Variants in EPHB3 observed in about 807,000 individuals in gnomAD.
EPHB3 encodes the protein ephrin type-B receptor 3.
A neutral mutation model predicts 100.2 loss-of-function variants in EPHB3; 33 were observed. The ratio of observed to expected loss-of-function variants is 0.33; its 90% confidence interval spans 0.25 to 0.44. EPHB3 has a LOEUF of 0.44. Ranked by LOEUF, EPHB3 falls within the 20% of genes least tolerant of loss-of-function variation. EPHB3 has a pLI of 1.00. For missense variants in EPHB3, 1,045 were observed against 1,378.3 expected (o/e 0.76, Z 3.83); for synonymous variants, 526 against 554.7 (o/e 0.95, Z 0.73).
In EPHB3 at chr3:184,562,086, G is replaced by C. The variant is rs1714264830; in HGVS notation, c.-150G>C. 1 of 169,724 alleles carries C rather than the reference G, an allele frequency of 5.9e-6. No homozygotes were observed. The allele number at this position is 169,724 out of a possible 1,614,324, so 10.5% of individuals were successfully genotyped here. A position where few individuals can be genotyped will look rare whatever the true frequency, so the allele number is the denominator to read the frequency against. ...CCTCGGTCCCGGAGCCGCCCGCCTG[G>C]ATTGCATTCCCTCCTCTCCTGGATC... On this transcript the variant is annotated 5_prime_UTR_variant, in exon 1 of 16. Transcript: ENST00000330394. This position sits in a 1 kb window ranked among gnomAD's most constrained non-coding sequence, Gnocchi z 4.8.
chr3:184,577,540 G>C lies in EPHB3; in HGVS notation c.1479+73G>C. ...AGAAAATTACCCCCGGATCATGATG[G>C]GGCCCTTGGGAGCAAGGCCTTGGGT... On this transcript the variant is annotated intron_variant, in intron 6 of 15. Transcript: ENST00000330394. This position sits in a 1 kb window ranked among gnomAD's most constrained non-coding sequence, Gnocchi z 4.9. 1.3e-6 allele frequency: 2 copies of C among 1,598,222 alleles called. No homozygotes were observed.
intron 1 of EPHB3, among the ~76,000 whole-genome samples, chr3:184,564,128 G>A (rs1412575091): frequency 6.6e-6 from 1 of 152,214 alleles, no homozygotes; most frequent in African/African-American, 2.4e-5. Flanking sequence ...AGAAGGCCGA[G>A]TCCTGATGTG....
rs113050033 is a variant in EPHB3 at position 184,579,243 on chromosome 3, A to G, written c.1802-234A>G. Reference sequence around the variant, plus strand: ...CGGGGCAGTGGGAACCAGGGGAGGCATGAATCTGAGAGAGGTCTGGATGTG... The same window carrying G: ...CGGGGCAGTGGGAACCAGGGGAGGCGTGAATCTGAGAGAGGTCTGGATGTG... On this transcript the variant is annotated intron_variant, in intron 9 of 15. Transcript: ENST00000330394. This position sits in a 1 kb window ranked among gnomAD's most constrained non-coding sequence, Gnocchi z 5.2. 1.3e-3 allele frequency among the ~76,000 whole-genome samples: 200 copies of G among 152,274 alleles called. 2 individuals are homozygous for G. The highest frequency in any genetic ancestry group is 4.6e-3 in the African/African-American group (192 of 41,554).
At position 184,582,271 on chromosome 3, in the gene EPHB3, TGTGTGTGCGC is replaced by T. The variant is rs1553781591; in HGVS notation, c.*651_*660del. 5,339 of 82,866 alleles carry T rather than the reference TGTGTGTGCGC, an allele frequency of 0.064. 334 individuals are homozygous for T. The highest frequency in any genetic ancestry group is 0.25 in the African/African-American group (4,987 of 19,970). The allele number at this position is 82,866 out of a possible 1,614,324, so 5.1% of individuals were successfully genotyped here. On this transcript the variant is annotated 3_prime_UTR_variant, in exon 16 of 16. Coordinates refer to ENST00000330394, the MANE Select transcript of EPHB3 (RefSeq NM_004443.4). Reference sequence around the variant, plus strand: ...ATGTGTGAGTGTGTGTGTGTGTGTGTGTGTGTGCGCGCGCGCGCGCGTGTGTGTGTGCACG... The same window carrying T: ...ATGTGTGAGTGTGTGTGTGTGTGTGTGCGCGCGCGCGTGTGTGTGTGCACG...
chr3:184,572,725 C>CAGGCT lies in EPHB3; in HGVS notation c.405_406insAGGCT (p.Glu136ArgfsTer22). On this transcript the variant is annotated frameshift_variant, in exon 3 of 16. Transcript: ENST00000330394. LOFTEE classifies it high-confidence loss of function. This position sits in a 1 kb window ranked among gnomAD's most constrained non-coding sequence, Gnocchi z 6.6. ...AGGAGACCTTCAACCTCTTCTACTA[C>CAGGCT]GAGGCTGACAGCGATGTGGCCTCAG... 6.2e-7 allele frequency: 1 copy of CAGGCT among 1,613,016 alleles called. No homozygotes were observed. Among genetic ancestry groups the CAGGCT allele is most frequent in the Non-Finnish European group, 8.5e-7 (1 of 1,179,742 alleles).
chr3:184,573,094 C>T lies in EPHB3; in HGVS notation c.774C>T (p.Gly258=), dbSNP rs140338323. 1.4e-4 allele frequency: 232 copies of T among 1,613,094 alleles called. 3 individuals carry two copies. The highest frequency in any genetic ancestry group is 7.5e-4 in the South Asian group (68 of 91,084). Residue 258 remains glycine (G), a synonymous_variant, in exon 3 of 16, where the codon GGC becomes GGT. Coordinates refer to ENST00000330394, the MANE Select transcript of EPHB3 (RefSeq NM_004443.4). The surrounding 1 kb of genome is among the most constrained non-coding windows in gnomAD (Gnocchi z 4.5). ...VSVPLKLYCN[G]DGEWMVPVGA... ...TGCCACTCAAGCTCTACTGCAACGG[C>T]GATGGGGAGTGGATGGTGCCTGTGG...
intron 3 of EPHB3, among the ~76,000 whole-genome samples, chr3:184,575,374 C>T (rs1241182724): frequency 2.6e-5 from 4 of 152,206 alleles, no homozygotes; most frequent in Non-Finnish European, 5.9e-5. Context: ...GTGAAGGTCC[C>T]GTCTCCTGGC....
chr3:184,580,791 T>G lies in EPHB3; in HGVS notation c.2451T>G (p.Ser817=). The G allele has an allele frequency of 6.2e-7, 1 of 1,614,184 alleles. No individual in the cohort carries two copies. The highest frequency in any genetic ancestry group is 8.5e-7 in the Non-Finnish European group (1 of 1,180,022). The part of the protein sequence containing the change: ...PEAIAYRKFT[S]ASDVWSYGIV... The stretch of plus-strand genomic sequence containing the variant: ...CCATAGCCTATCGGAAGTTCACTTC[T>G]GCTAGTGATGTCTGGAGCTACGGAA... The change falls in exon 13 of 16, where the codon TCT becomes TCG. Residue 817 remains serine (S), a synonymous_variant. Coordinates refer to ENST00000330394, the MANE Select transcript of EPHB3 (RefSeq NM_004443.4).
rs759700713 is a variant in EPHB3, at chr3:184,577,829, C to T, written c.1639+12C>T. The T allele has an allele frequency of 1.3e-5, 21 of 1,605,950 alleles. No homozygotes were observed. The highest frequency in any genetic ancestry group is 8.9e-5 in the East Asian group (4 of 44,728). On this transcript the variant is annotated intron_variant, in intron 7 of 15. Coordinates refer to ENST00000330394, the MANE Select transcript of EPHB3 (RefSeq NM_004443.4). This position sits in a 1 kb window ranked among gnomAD's most constrained non-coding sequence, Gnocchi z 4.9. The stretch of plus-strand genomic sequence containing the variant: ...CACAAGTGAGAGAGGTTAGTAGCCC[C>T]CTGCGCCTGTCCCCATCGCGGCCCT...
At position 184,580,967 on chromosome 3, in the gene EPHB3, C is replaced by A; in HGVS notation, c.2539-5C>A. ...TCACTCAGGGTTTCCCTGCCTTCGG[C>A]CCAGGTCATCAATGCCGTGGAGCAG... On this transcript the variant is annotated splice_region_variant and splice_polypyrimidine_tract_variant and intron_variant, in intron 13 of 15. Transcript: ENST00000330394. The A allele has an allele frequency of 6.2e-7, 1 of 1,609,648 alleles. No homozygotes were observed. Among genetic ancestry groups the A allele is most frequent in the Non-Finnish European group, 8.5e-7 (1 of 1,176,536 alleles).
At chr3:184,567,366 G>C (rs1204797879) in intron 1 of EPHB3, among the ~76,000 whole-genome samples, 1 of 152,204 alleles carries the variant, frequency 6.6e-6, no homozygotes, top group Non-Finnish European at 1.5e-5. Flanking sequence ...TGGCTGCCCT[G>C]CCTGAGCGAG....
In EPHB3 at chr3:184,562,604, A is replaced by G. The variant is rs542914103; in HGVS notation, c.118+251A>G. ...GCTAGACTCGGGACGAACGTCCCCC[A>G]GAGTCCTGGCCCTGCTGTGAGCTTT... is the stretch of plus-strand genomic sequence containing the variant. On this transcript the variant is annotated intron_variant, in intron 1 of 15. Coordinates refer to ENST00000330394, the MANE Select transcript of EPHB3 (RefSeq NM_004443.4). This position sits in a 1 kb window ranked among gnomAD's most constrained non-coding sequence, Gnocchi z 4.8. 1.3e-5 allele frequency among the ~76,000 whole-genome samples: 2 copies of G among 152,196 alleles called. No individual in the cohort carries two copies. Among genetic ancestry groups the G allele is most frequent in the African/African-American group, 4.8e-5 (2 of 41,542 alleles).
At chr3:184,567,724 C>T (rs930192014) in intron 1 of EPHB3, among the ~76,000 whole-genome samples, 1 of 152,080 alleles carries the variant, frequency 6.6e-6, no homozygotes, top group Non-Finnish European at 1.5e-5. Flanking sequence ...CACTTTACAC[C>T]GAAGACTGTG....
chr3:184,570,248 C>G (rs890474629), intron 1 of EPHB3, among the ~76,000 whole-genome samples: 5 of 152,166 alleles, frequency 3.3e-5, no homozygotes, highest in African/African-American at 1.2e-4. Context: ...AAATGATAGG[C>G]AGTTTTCTAG....
Position 184,572,281 on chromosome 3 carries a change from C to T in EPHB3, c.184-223C>T, listed in dbSNP as rs1046921715. 6.6e-6 allele frequency among the ~76,000 whole-genome samples: 1 copy of T among 152,056 alleles called. No homozygotes were observed. Among genetic ancestry groups the T allele is most frequent in the Admixed American group, 6.5e-5 (1 of 15,270 alleles). On this transcript the variant is annotated intron_variant, in intron 2 of 15. Transcript: ENST00000330394. This position sits in a 1 kb window ranked among gnomAD's most constrained non-coding sequence, Gnocchi z 6.6. The stretch of plus-strand genomic sequence containing the variant: ...TTATTCCTTACACATCTTTATTATC[C>T]CCATGTTACAGATGGGGAAACTGAG...
rs1403959151 is a variant in EPHB3 at position 184,563,097 on chromosome 3, C to A, written c.118+744C>A. On this transcript the variant is annotated intron_variant, in intron 1 of 15. Coordinates refer to ENST00000330394, the MANE Select transcript of EPHB3 (RefSeq NM_004443.4). This position sits in a 1 kb window ranked among gnomAD's most constrained non-coding sequence, Gnocchi z 4.1. ...TTCTCAATAGGTTCTGTGAAACCTG[C>A]CAAGACTGCTGTGGGGGGCAGCTCC... is the stretch of plus-strand genomic sequence containing the variant. Among the ~76,000 whole-genome samples the A allele has an allele frequency of 6.6e-6, 1 of 152,186 alleles. No individual in the cohort carries two copies. The highest frequency in any genetic ancestry group is 1.9e-4 in the East Asian group (1 of 5,190).
At position 184,573,139 on chromosome 3, in the gene EPHB3, C is replaced by T. The variant is rs570166840; in HGVS notation, c.819C>T (p.Thr273=). The part of the protein sequence containing the change: ...MVPVGACTCA[T]GHEPAAKESQ... ...CTGTGGGTGCCTGCACCTGTGCCAC[C>T]GGCCATGAGCCAGCTGCCAAGGAGT... Residue 273 remains threonine, a synonymous_variant, in exon 3 of 16, where the codon ACC becomes ACT. Transcript: ENST00000330394. This position sits in a 1 kb window ranked among gnomAD's most constrained non-coding sequence, Gnocchi z 4.5. The T allele has an allele frequency of 3.1e-5, 50 of 1,612,634 alleles. No homozygotes were observed. The South Asian group carries it at 3.2e-4, about 10-fold the overall frequency.
chr3:184,577,054 C>T lies in EPHB3; in HGVS notation c.1225C>T (p.Arg409Trp), dbSNP rs773741899. ...VPRQLGLTERRVHISHLLAHT... is the reference protein window; with the variant it reads ...VPRQLGLTERWVHISHLLAHT... ...TCGGCAGCTGGGCCTGACGGAGCGC[C>T]GGGTCCACATCAGCCATCTGCTGGC... The change falls in exon 5 of 16, where the codon CGG becomes TGG. Residue 409 changes from arginine to tryptophan, a missense_variant. Around this residue, in one of 2 missense-constraint regions of EPHB3, gnomAD observed 985 missense variants for 1,331.1 expected, o/e 0.74. Coordinates refer to ENST00000330394, the MANE Select transcript of EPHB3 (RefSeq NM_004443.4). The surrounding 1 kb of genome is among the most constrained non-coding windows in gnomAD (Gnocchi z 4.9). 23 of 1,613,644 alleles carry T rather than the reference C, an allele frequency of 1.4e-5. No individual in the cohort carries two copies. The highest frequency in any genetic ancestry group is 5.0e-5 in the Admixed American group (3 of 60,004).
At chr3:184,567,700 G>C (rs1714421500) in intron 1 of EPHB3, among the ~76,000 whole-genome samples, 1 of 152,180 alleles carries the variant, frequency 6.6e-6, no homozygotes, top group African/African-American at 2.4e-5. Context: ...CAGGGAAACT[G>C]GTGTTTGTGT....
Sources: gnomAD v4.1 joint callset for allele counts (sites outside exome capture counted in the v4.1 genomes callset) on GRCh38, gnomAD v4.1.1 for gene constraint, gnomAD v4.1.1 regional missense constraint, Gnocchi (gnomAD v3.1) non-coding constraint, MANE v1.5 for transcripts, NCBI Gene and HGNC (gene_info 2026-07-23, HGNC 2026-07-21) for gene names.